Variants in BRPF1 observed in about 807,000 individuals in gnomAD.
BRPF1 encodes the protein bromodomain and PHD finger containing 1, also known as peregrin.
In BRPF1, 15 loss-of-function variants were observed where a neutral mutation model predicts 115.0. The observed-to-expected ratio is 0.13, with a 90% CI of 0.09 to 0.20. The LOEUF (loss-of-function observed/expected upper bound fraction) is 0.20, where lower values mean the gene tolerates loss of function less well. Ranked by LOEUF, BRPF1 falls within the 10% of genes least tolerant of loss-of-function variation. The pLI is 1.00. For missense variants in BRPF1, 1,118 were observed against 1,638.3 expected (o/e 0.68, Z 5.48); for synonymous variants, 647 against 619.8 (o/e 1.04, Z -0.65).
At position 9,740,926 on chromosome 3, in the gene BRPF1, C is replaced by T. The variant is rs1324533043; in HGVS notation, c.1707C>T (p.Asn569=). The change falls in exon 4 of 14, where the codon AAC becomes AAT. Residue 569 remains asparagine, a synonymous_variant. Transcript: ENST00000383829. The part of the protein sequence containing the change: ...RLQTHLQSQR[N]CDQVGRDSED... Reference sequence around the variant, plus strand: ...AGACACACCTGCAATCTCAGAGGAACTGTGACCAAGTTGGGGTACTGTGTC... The same window carrying T: ...AGACACACCTGCAATCTCAGAGGAATTGTGACCAAGTTGGGGTACTGTGTC... 1.2e-6 allele frequency: 2 copies of T among 1,612,510 alleles called. No individual in the cohort carries two copies. The highest frequency in any genetic ancestry group is 1.7e-6 in the Non-Finnish European group (2 of 1,179,966).
At chr3:9,744,176 T>C in intron 8 of BRPF1, 48 bp from the exon 9 acceptor site, 1 of 1,504,532 alleles carries the variant, frequency 6.6e-7, no homozygotes, top group African/African-American at 1.4e-5. Context: ...TCTACCCTTC[T>C]CAAATCAGGC....
rs559492007 is a variant in BRPF1 at position 9,738,223 on chromosome 3, G to C, written c.600-776G>C. Among the ~76,000 whole-genome samples, 7 of 152,226 alleles carry C rather than the reference G, an allele frequency of 4.6e-5. No homozygotes were observed. In the South Asian group the frequency reaches 1.5e-3, roughly 32 times the overall value. On this transcript the variant is annotated intron_variant, in intron 2 of 13. Transcript: ENST00000383829. ...ACTGGGCTGGAGGTTGAATGCCTCT[G>C]CCTCTGCCACTCCCTTGTTATGTGA... is the stretch of plus-strand genomic sequence containing the variant.
chr3:9,732,966 C>T (rs1370936039), intron 1 of BRPF1, among the ~76,000 whole-genome samples: 1 of 152,176 alleles, frequency 6.6e-6, no homozygotes, highest in Admixed American at 6.5e-5. Flanking sequence ...TGTCTACACT[C>T]ACCCAGGAAT....
intron 6 of BRPF1, 44 bp downstream of exon 6, chr3:9,742,215 C>T (rs1187246810): frequency 3.1e-5 from 50 of 1,604,530 alleles, no homozygotes; most frequent in Non-Finnish European, 4.0e-5. Context: ...CTGTTCCTCT[C>T]CCAGTTGGAC....
Position 9,747,301 on chromosome 3 carries a change from C to T in BRPF1, c.3615C>T (p.Arg1205=). The T allele has an allele frequency of 6.2e-7, 1 of 1,614,240 alleles. No individual in the cohort carries two copies. Among genetic ancestry groups the T allele is most frequent in the Non-Finnish European group, 8.5e-7 (1 of 1,180,050 alleles). ...QIAYHRALQH[R]SKVQGEQSSE... ...CCTACCACAGGGCTCTGCAGCACCG[C>T]AGCAAGGTGCAAGGCGAGCAGAGCA... The change falls in exon 14 of 14, where the codon CGC becomes CGT. Residue 1205 remains arginine, a synonymous_variant. Transcript: ENST00000383829. The surrounding 1 kb of genome is among the most constrained non-coding windows in gnomAD (Gnocchi z 5.6).
intron 12 of BRPF1, 89 bp from the exon 13 acceptor site, chr3:9,746,211 C>A (rs1392590067): frequency 1.4e-6 from 2 of 1,436,660 alleles, no homozygotes; most frequent in East Asian, 2.3e-5. Context: ...TCTCTGTCCC[C>A]ACTTCAGACA....
intron 4 of BRPF1, 42 bp from the exon 5 acceptor site, chr3:9,741,266 T>G (rs1212588591): frequency 3.9e-6 from 6 of 1,531,120 alleles, no homozygotes; most frequent in Non-Finnish European, 5.3e-6. Flanking sequence ...ACCTTTCCTC[T>G]GGCTTTCTAA....
In BRPF1 at chr3:9,734,661, C is replaced by A; in HGVS notation, c.521C>A (p.Pro174His). 1 of 1,614,150 alleles carries A rather than the reference C, an allele frequency of 6.2e-7. No homozygotes were observed. Among genetic ancestry groups the A allele is most frequent in the Non-Finnish European group, 8.5e-7 (1 of 1,180,028 alleles). ...CACAATGTTTCTGCGAGCACCACTC[C>A]CAAGCTGCCAGAGGTGGTCTATCGG... ...HHHNVSASTT[P>H]KLPEVVYREL... is the part of the protein sequence containing the mutation. The change falls in exon 2 of 14, where the codon CCC (proline) becomes CAC (histidine). Residue 174 changes from proline (P) to histidine (H), a missense_variant. Pro to His is a moderately conservative substitution (Grantham distance 77). Around this residue, in one of 10 missense-constraint regions of BRPF1, gnomAD observed 280 missense variants for 382.8 expected, o/e 0.73. Coordinates refer to ENST00000383829, the MANE Select transcript of BRPF1 (RefSeq NM_001003694.2). This position sits in a 1 kb window ranked among gnomAD's most constrained non-coding sequence, Gnocchi z 5.7.
Position 9,734,847 on chromosome 3 carries a change from G to A in BRPF1, c.599+108G>A. The A allele has an allele frequency of 1.4e-6, 2 of 1,404,066 alleles. No individual in the cohort carries two copies. The highest frequency in any genetic ancestry group is 9.7e-7 in the Non-Finnish European group (1 of 1,029,300). The allele number at this position is 1,404,066 out of a possible 1,614,324, so 87.0% of individuals were successfully genotyped here. On this transcript the variant is annotated intron_variant, in intron 2 of 13. Coordinates refer to ENST00000383829, the MANE Select transcript of BRPF1 (RefSeq NM_001003694.2). The surrounding 1 kb of genome is among the most constrained non-coding windows in gnomAD (Gnocchi z 5.7). ...AAGAGTGACAGGAATAAAGAATAGT[G>A]AAAGAACACTGATTTTGCCAGGGCA...
intron 8 of BRPF1, 148 bp from the exon 9 acceptor site, chr3:9,744,076 G>A (rs2077079838): frequency 7.8e-7 from 1 of 1,288,104 alleles, no homozygotes; most frequent in Non-Finnish European, 1.1e-6. Flanking sequence ...TTGTATAAGA[G>A]TTAATCTTCC....
chr3:9,740,345 C>G (rs1378484247), intron 3 of BRPF1, among the ~76,000 whole-genome samples: 1 of 152,212 alleles, frequency 6.6e-6, no homozygotes, highest in East Asian at 1.9e-4. Flanking sequence ...GTGGTTACTG[C>G]TGCTCATTTG....
Position 9,743,637 on chromosome 3 carries a change from C to G in BRPF1, c.2371C>G (p.Gln791Glu), listed in dbSNP as rs2077069788. 7.4e-6 allele frequency: 12 copies of G among 1,614,032 alleles called. No homozygotes were observed. The highest frequency in any genetic ancestry group is 1.0e-5 in the Non-Finnish European group (12 of 1,180,028). ...ENQKHLPVEEQLKLLLERLDE... is the reference protein window; with the variant it reads ...ENQKHLPVEEELKLLLERLDE... The stretch of plus-strand genomic sequence containing the variant: ...CCAGAAGCACCTGCCAGTGGAAGAA[C>G]AGCTAAAGCTGCTTCTGGAGCGGCT... Residue 791 changes from glutamine (Q) to glutamate (E), a missense_variant, in exon 8 of 14, where the codon CAG becomes GAG. Gln to Glu is a conservative substitution (Grantham distance 29, BLOSUM62 2). Transcript: ENST00000383829. The surrounding 1 kb of genome is among the most constrained non-coding windows in gnomAD (Gnocchi z 6.1).
At chr3:9,736,946 G>C (rs2076952561) in intron 2 of BRPF1, among the ~76,000 whole-genome samples, 1 of 152,188 alleles carries the variant, frequency 6.6e-6, no homozygotes, top group African/African-American at 2.4e-5. Context: ...TGTAATCTGG[G>C]TGCCTGTGGG....
rs760337282 is a variant in BRPF1, at chr3:9,739,806, TGAGGAG to T, written c.1413_1418del (p.Glu471_Glu472del). Reference sequence around the variant, plus strand: ...ACAGCGAGGGTGAGGAGGATGAAGATGAGGAGGAGGATGAGGGTAAGGGCTGGAGCT... The same window carrying T: ...ACAGCGAGGGTGAGGAGGATGAAGATGAGGATGAGGGTAAGGGCTGGAGCT... On this transcript the variant is annotated inframe_deletion, in exon 3 of 14. Transcript: ENST00000383829. The T allele has an allele frequency of 1.9e-6, 3 of 1,611,320 alleles. No individual in the cohort carries two copies. The highest frequency in any genetic ancestry group is 2.2e-5 in the South Asian group (2 of 90,696).
intron 2 of BRPF1, among the ~76,000 whole-genome samples, chr3:9,738,750 CCCAGCTCCA>C (rs1412138921): frequency 2.0e-5 from 3 of 152,190 alleles, no homozygotes; most frequent in Non-Finnish European, 4.4e-5. Context: ...GGGTTCACAT[CCCAGCTCCA>C]CCACTTTCTC....
Position 9,734,721 on chromosome 3 carries a change from G to A in BRPF1, c.581G>A (p.Arg194Gln), listed in dbSNP as rs778513683. The change falls in exon 2 of 14, where the codon CGG (arginine) becomes CAG (glutamine). Residue 194 changes from arginine (R) to glutamine (Q), a missense_variant. By Grantham distance (43) the Arg-to-Gln change is conservative (BLOSUM62 1). This residue lies in a region of BRPF1 where 280 missense variants were observed against 382.8 expected (regional missense o/e 0.73). Coordinates refer to ENST00000383829, the MANE Select transcript of BRPF1 (RefSeq NM_001003694.2). The surrounding 1 kb of genome is among the most constrained non-coding windows in gnomAD (Gnocchi z 5.7). Reference protein sequence around the residue: ...LEQDTPDAPPRPTSYYRYIEK... With the variant: ...LEQDTPDAPPQPTSYYRYIEK... ...CAGGACACCCCTGATGCCCCACCCCGGCCAACTTCCTATTACCGGTAAGGC... is the reference window on the plus strand; with the variant it reads ...CAGGACACCCCTGATGCCCCACCCCAGCCAACTTCCTATTACCGGTAAGGC... 6 of 1,613,898 alleles carry A rather than the reference G, an allele frequency of 3.7e-6. No individual in the cohort carries two copies. The highest frequency in any genetic ancestry group is 1.1e-5 in the South Asian group (1 of 91,068).
In BRPF1 at chr3:9,743,110, C is replaced by A; in HGVS notation, c.2168C>A (p.Ala723Glu). The stretch of plus-strand genomic sequence containing the variant: ...GCCAAGGACACCATCTTCTACCGGG[C>A]AGCAGTGCGGCTTCGTGAGCAGGGT... ...YNAKDTIFYR[A>E]AVRLREQGGA... is the part of the protein sequence containing the mutation. The change falls in exon 7 of 14, where the codon GCA (alanine) becomes GAA (glutamate). Residue 723 changes from alanine to glutamate, a missense_variant. Ala to Glu is a moderately radical substitution (Grantham distance 107). Around this residue, in one of 10 missense-constraint regions of BRPF1, gnomAD observed 223 missense variants for 240.7 expected, o/e 0.93. Transcript: ENST00000383829. The surrounding 1 kb of genome is among the most constrained non-coding windows in gnomAD (Gnocchi z 6.1). 6.2e-7 allele frequency: 1 copy of A among 1,614,268 alleles called. No homozygotes were observed. The highest frequency in any genetic ancestry group is 2.2e-5 in the East Asian group (1 of 44,892).
Position 9,739,003 on chromosome 3 carries a change from A to G in BRPF1, c.604A>G (p.Ile202Val). ...PPRPTSYYRY[I>V]EKSAEELDEE... ...AGTTCCCTGTTTGTACCGTAGGTAC[A>G]TCGAGAAGTCTGCAGAGGAGCTGGA... is the stretch of plus-strand genomic sequence containing the variant. Residue 202 changes from isoleucine (I) to valine (V), a missense_variant, in exon 3 of 14, where the codon ATC becomes GTC. By Grantham distance (29) the Ile-to-Val change is conservative. Coordinates refer to ENST00000383829, the MANE Select transcript of BRPF1 (RefSeq NM_001003694.2). The G allele has an allele frequency of 1.3e-6, 2 of 1,562,170 alleles. No homozygotes were observed. Among genetic ancestry groups the G allele is most frequent in the East Asian group, 2.3e-5 (1 of 44,340 alleles).
rs532308852 is a variant in BRPF1, at chr3:9,737,708, C to T, written c.600-1291C>T. On this transcript the variant is annotated intron_variant, in intron 2 of 13. Coordinates refer to ENST00000383829, the MANE Select transcript of BRPF1 (RefSeq NM_001003694.2). Reference sequence around the variant, plus strand: ...AAAGATAAATGTACATATTTGCACACGTCTGTATGTGGTCACACATGACTT... The same window carrying T: ...AAAGATAAATGTACATATTTGCACATGTCTGTATGTGGTCACACATGACTT... 1.4e-4 allele frequency among the ~76,000 whole-genome samples: 21 copies of T among 152,342 alleles called. 1 individual carries two copies. The South Asian group carries it at 1.5e-3, about 11-fold the overall frequency.
Sources: allele counts gnomAD v4.1 joint callset (sites outside exome capture counted in the v4.1 genomes callset), GRCh38; gene constraint gnomAD v4.1.1; regional missense constraint gnomAD v4.1.1; non-coding constraint Gnocchi (gnomAD v3.1); transcripts MANE v1.5; gene names NCBI Gene and HGNC (gene_info 2026-07-23, HGNC 2026-07-21).